PLEKHA7: variants seen among roughly 807,000 people sequenced by gnomAD.
PLEKHA7 encodes pleckstrin homology domain containing A7.
In PLEKHA7, 104 loss-of-function variants were observed where a neutral mutation model predicts 170.0. The observed-to-expected ratio is 0.61, with a 90% CI of 0.52 to 0.72. PLEKHA7 has a LOEUF of 0.72. Ranked by LOEUF, PLEKHA7 falls within the 30% of genes least tolerant of loss-of-function variation. PLEKHA7 has a pLI of 0.00. For synonymous variants in PLEKHA7, 648 were observed against 660.8 expected (o/e 0.98, Z 0.30); for missense variants, 1,615 against 1,671.7 (o/e 0.97, Z 0.59).
rs1047066047 is a variant in PLEKHA7 at position 16,914,783 on chromosome 11, A to T, written c.222-43601T>A. On this transcript the variant is annotated intron_variant, in intron 3 of 26. Transcript: ENST00000531066. Reference sequence around the variant, plus strand: ...ATGGGAATCATTAGCCCTGTTTTACATATGAGAAAATGGAGGTTACGGAAC... The same window carrying T: ...ATGGGAATCATTAGCCCTGTTTTACTTATGAGAAAATGGAGGTTACGGAAC... Among the ~76,000 whole-genome samples, 27 of 152,362 alleles carry T rather than the reference A, an allele frequency of 1.8e-4. 1 individual carries two copies. The highest frequency in any genetic ancestry group is 6.5e-4 in the African/African-American group (27 of 41,584).
chr11:16,792,192 A>G (rs1432955018), intron 19 of PLEKHA7, among the ~76,000 whole-genome samples: 1 of 152,176 alleles, frequency 6.6e-6, no homozygotes, highest in African/African-American at 2.4e-5. Flanking sequence ...CGAATCACCA[A>G]TTTCTAAAAA....
rs1413742122 is a variant in PLEKHA7 at position 16,789,293 on chromosome 11, G to A, written c.3160C>T (p.Pro1054Ser). The change falls in exon 23 of 27, where the codon CCT (proline) becomes TCT (serine). Residue 1054 changes from proline to serine, a missense_variant. Pro to Ser is a moderately conservative substitution (Grantham distance 74, BLOSUM62 -1). Transcript: ENST00000531066. This position sits in a 1 kb window ranked among gnomAD's most constrained non-coding sequence, Gnocchi z 4.6. ...TACAGGCGCTCCAAGGCACTCTTAG[G>A]TCTCTGAGGAAGAGGAGGCAGGCAA... ...AESSKATFPR[P>S]KSALERLYSG... is the part of the protein sequence containing the mutation. The A allele has an allele frequency of 2.5e-6, 4 of 1,613,088 alleles. No homozygotes were observed. Among genetic ancestry groups the A allele is most frequent in the Non-Finnish European group, 3.4e-6 (4 of 1,180,012 alleles).
chr11:16,977,534 G>T (rs1038466935), intron 3 of PLEKHA7, among the ~76,000 whole-genome samples: 2 of 152,130 alleles, frequency 1.3e-5, no homozygotes, highest in African/African-American at 4.8e-5. Flanking sequence ...CAACCAAATG[G>T]TTAAATAGAC....
intron 3 of PLEKHA7, among the ~76,000 whole-genome samples, chr11:16,887,143 G>T (rs1418518254): frequency 6.6e-6 from 1 of 152,052 alleles, no homozygotes; most frequent in East Asian, 1.9e-4. Flanking sequence ...TTCTGGAAAT[G>T]AAAATTTCAT....
At chr11:16,813,411 G>A in intron 12 of PLEKHA7, 2 of 422,144 alleles carry the variant, frequency 4.7e-6, no homozygotes, top group South Asian at 2.8e-5. Context: ...GCTAGGGGAA[G>A]AGTTTGGCAG....
chr11:16,814,157 A>G (rs1849576529), intron 12 of PLEKHA7, among the ~76,000 whole-genome samples: 1 of 152,152 alleles, frequency 6.6e-6, no homozygotes. Flanking sequence ...AGTGGCTTGC[A>G]AGGTCTTGTG....
chr11:16,983,735 C>T (rs1043925564), intron 3 of PLEKHA7, among the ~76,000 whole-genome samples: 9 of 152,224 alleles, frequency 5.9e-5, no homozygotes, highest in Admixed American at 5.2e-4. Context: ...TCTCCCTGCT[C>T]ATTCCCAAGT....
chr11:16,932,702 C>CA (rs1386807533), intron 3 of PLEKHA7, among the ~76,000 whole-genome samples: 1 of 152,162 alleles, frequency 6.6e-6, no homozygotes, highest in Non-Finnish European at 1.5e-5. Context: ...AATAAGCAAA[C>CA]AAAATATTTC....
chr11:16,812,665 C>T (rs1008070704), intron 13 of PLEKHA7, among the ~76,000 whole-genome samples: 9 of 152,190 alleles, frequency 5.9e-5, no homozygotes, highest in Admixed American at 5.9e-4. Context: ...AGATGGGAGA[C>T]TACCGGTGAG....
chr11:16,895,665 T>C (rs1009087026), intron 3 of PLEKHA7, among the ~76,000 whole-genome samples: 1 of 152,188 alleles, frequency 6.6e-6, no homozygotes, highest in African/African-American at 2.4e-5. Flanking sequence ...CAAGGAACAA[T>C]CTGCCATTGC....
chr11:16,798,050 A>G (rs1848356293), intron 17 of PLEKHA7, among the ~76,000 whole-genome samples: 1 of 152,190 alleles, frequency 6.6e-6, no homozygotes, highest in South Asian at 2.1e-4. Flanking sequence ...AAAGGCTCCT[A>G]TGTGCTGCTT....
At chr11:16,800,160 T>C (rs1848496632) in intron 17 of PLEKHA7, among the ~76,000 whole-genome samples, 1 of 152,120 alleles carries the variant, frequency 6.6e-6, no homozygotes, top group African/African-American at 2.4e-5. Flanking sequence ...ACACACTTAT[T>C]ATGTCAGGGC....
At chr11:16,882,355 G>C (rs558204583) in intron 3 of PLEKHA7, among the ~76,000 whole-genome samples, 1 of 152,258 alleles carries the variant, frequency 6.6e-6, no homozygotes, top group African/African-American at 2.4e-5. Context: ...AGAAGCTCAA[G>C]CTTTAGGGCC....
At chr11:16,800,445 C>T (rs1848519776) in intron 17 of PLEKHA7, among the ~76,000 whole-genome samples, 1 of 152,164 alleles carries the variant, frequency 6.6e-6, no homozygotes, top group African/African-American at 2.4e-5. Flanking sequence ...GTATAGGGGT[C>T]ACAGAGATGG....
At chr11:16,879,854 T>C (rs200135958) in intron 3 of PLEKHA7, among the ~76,000 whole-genome samples, 1 of 152,242 alleles carries the variant, frequency 6.6e-6, no homozygotes, top group East Asian at 1.9e-4. Flanking sequence ...ATCCACTCAA[T>C]GGCCAATTCA....
intron 3 of PLEKHA7, among the ~76,000 whole-genome samples, chr11:16,925,354 G>C (rs1382445687): frequency 2.6e-5 from 4 of 152,218 alleles, no homozygotes. Context: ...TTCTCTTGCA[G>C]AAACTCCAGC....
At chr11:16,892,202 T>C (rs1856664353) in intron 3 of PLEKHA7, among the ~76,000 whole-genome samples, 1 of 152,216 alleles carries the variant, frequency 6.6e-6, no homozygotes, top group African/African-American at 2.4e-5. Context: ...ATCCATAAAA[T>C]GCATCATTTG....
At position 16,945,873 on chromosome 11, in the gene PLEKHA7, A is replaced by G. The variant is rs541787598; in HGVS notation, c.221+68116T>C. ...ACCTGATTAAGAACAAAAGTCCTAC[A>G]AAGTCTCATACTTTCACTCTCTGGC... On this transcript the variant is annotated intron_variant, in intron 3 of 26. Transcript: ENST00000531066. Among the ~76,000 whole-genome samples, 30 of 152,318 alleles carry G rather than the reference A, an allele frequency of 2.0e-4. 1 individual carries two copies. In the South Asian group the frequency reaches 5.6e-3, roughly 28 times the overall value.
At chr11:16,788,880 G>T in intron 23 of PLEKHA7, 1 of 626,148 alleles carries the variant, frequency 1.6e-6, no homozygotes, top group Non-Finnish European at 2.8e-6. Context: ...TCCTGGGCCT[G>T]TTTGATCCTC....
Sources: allele counts gnomAD v4.1 joint callset (sites outside exome capture counted in the v4.1 genomes callset), GRCh38; gene constraint gnomAD v4.1.1; non-coding constraint Gnocchi (gnomAD v3.1); transcripts MANE v1.5; gene names NCBI Gene and HGNC (gene_info 2026-07-23, HGNC 2026-07-21).